MLLT1: variants seen among roughly 807,000 people sequenced by gnomAD.
MLLT1 encodes the protein MLLT1 super elongation complex subunit, also known as protein ENL.
MLLT1 carries 11 observed loss-of-function variants against 55.1 expected under a neutral mutation model. The observed-to-expected ratio is 0.20, with a 90% CI of 0.13 to 0.33. The LOEUF (loss-of-function observed/expected upper bound fraction) is 0.33. MLLT1 is among the 10% of genes least tolerant of loss of function. The pLI, the probability that MLLT1 is intolerant of heterozygous loss-of-function variation, is 1.00. For missense variants in MLLT1, 536 were observed against 760.6 expected (o/e 0.70, Z 3.47); for synonymous variants, 323 against 320.1 (o/e 1.01, Z -0.10).
intron 5 of MLLT1, among the ~76,000 whole-genome samples, chr19:6,224,505 G>A (rs1391873735): frequency 1.3e-5 from 2 of 152,248 alleles, no homozygotes; most frequent in Admixed American, 6.5e-5. Flanking sequence ...TGGGCTGCAG[G>A]AGCTCAGCCG....
chr19:6,267,641 T>C (rs1568297341), intron 2 of MLLT1, among the ~76,000 whole-genome samples: 3 of 152,142 alleles, frequency 2.0e-5, no homozygotes, highest in Non-Finnish European at 4.4e-5. Context: ...GTTCAGGACA[T>C]GGGAAACAGA....
chr19:6,265,165 C>A (rs1488434878), intron 2 of MLLT1, among the ~76,000 whole-genome samples: 2 of 151,700 alleles, frequency 1.3e-5, no homozygotes, highest in African/African-American at 4.9e-5. Context: ...GGGATGAGGA[C>A]CGAATGGCAT....
chr19:6,238,582 C>G (rs1383856488), intron 3 of MLLT1, among the ~76,000 whole-genome samples: 2 of 152,242 alleles, frequency 1.3e-5, no homozygotes, highest in Non-Finnish European at 2.9e-5. Flanking sequence ...AATAGATAAG[C>G]TTGGCTTGGC....
chr19:6,224,752 C>T (rs561388335), intron 5 of MLLT1, among the ~76,000 whole-genome samples: 8 of 152,300 alleles, frequency 5.3e-5, no homozygotes, highest in Admixed American at 1.3e-4. Context: ...TGTTTTGAGA[C>T]GGAGTCTTGT....
rs952949696 is a variant in MLLT1 at position 6,240,608 on chromosome 19, C to T, written c.277-9895G>A. On this transcript the variant is annotated intron_variant, in intron 3 of 11. Coordinates refer to ENST00000252674, the MANE Select transcript of MLLT1 (RefSeq NM_005934.4). The surrounding 1 kb of genome is among the most constrained non-coding windows in gnomAD (Gnocchi z 4.7). ...ACACCGTTGGGAGAAGAAAGCAAAC[C>T]ACGAGACTGAGAGCACCACGGAACC... is the stretch of plus-strand genomic sequence containing the variant. 1.3e-5 allele frequency among the ~76,000 whole-genome samples: 2 copies of T among 152,184 alleles called. No homozygotes were observed. The highest frequency in any genetic ancestry group is 1.3e-4 in the Admixed American group (2 of 15,284).
rs1357103982 is a variant in MLLT1, at chr19:6,262,799, T to C, written c.194-489A>G. 2.0e-5 allele frequency among the ~76,000 whole-genome samples: 3 copies of C among 151,996 alleles called. No homozygotes were observed. Among genetic ancestry groups the C allele is most frequent in the Non-Finnish European group, 4.4e-5 (3 of 68,006 alleles). ...GGGAGACAGGGGAGCCCCAGGTGGC[T>C]GGGACCCTCCTCCTGGGTTCTAGTT... On this transcript the variant is annotated intron_variant, in intron 2 of 11. Coordinates refer to ENST00000252674, the MANE Select transcript of MLLT1 (RefSeq NM_005934.4). This position sits in a 1 kb window ranked among gnomAD's most constrained non-coding sequence, Gnocchi z 4.4.
At chr19:6,279,164 A>AG (rs1022368433) in intron 1 of MLLT1, among the ~76,000 whole-genome samples, 4 of 152,080 alleles carry the variant, frequency 2.6e-5, no homozygotes, top group African/African-American at 9.7e-5. Flanking sequence ...GCAGGGTCCC[A>AG]GGGGGCCGGG....
At chr19:6,213,685 C>T (rs762496297) in intron 10 of MLLT1, 41 bp downstream of exon 10, 1 of 1,279,750 alleles carries the variant, frequency 7.8e-7, no homozygotes, top group Non-Finnish European at 1.1e-6. Flanking sequence ...CACCACCCAC[C>T]CCTCCGTAGC....
rs1352845489 is a variant in MLLT1, at chr19:6,256,595, A to C, written c.276+5633T>G. ...CGGTGAAACCTGGTCTCTACTACAA[A>C]TACAAAAAATTAGCCAGGCGTGGTG... On this transcript the variant is annotated intron_variant, in intron 3 of 11. Transcript: ENST00000252674. The surrounding 1 kb of genome is among the most constrained non-coding windows in gnomAD (Gnocchi z 4.1). Among the ~76,000 whole-genome samples the C allele has an allele frequency of 6.6e-6, 1 of 152,036 alleles. No individual in the cohort carries two copies. Among genetic ancestry groups the C allele is most frequent in the Non-Finnish European group, 1.5e-5 (1 of 68,008 alleles).
chr19:6,213,324 A>G lies in MLLT1; in HGVS notation c.1551+13T>C, dbSNP rs763792480. 9 of 1,611,762 alleles carry G rather than the reference A, an allele frequency of 5.6e-6. No individual in the cohort carries two copies. The African/African-American group carries it at 1.2e-4, about 22-fold the overall frequency. On this transcript the variant is annotated intron_variant, in intron 11 of 11. Transcript: ENST00000252674. Reference sequence around the variant, plus strand: ...CCGACCTCTGCCGGGCAGGACCCTCAGGGGGGCGATACCTGCTGCAGCACG... The same window carrying G: ...CCGACCTCTGCCGGGCAGGACCCTCGGGGGGGCGATACCTGCTGCAGCACG...
intron 3 of MLLT1, among the ~76,000 whole-genome samples, chr19:6,242,368 G>C (rs536830466): frequency 1.3e-5 from 2 of 152,302 alleles, no homozygotes; most frequent in Admixed American, 6.5e-5. Flanking sequence ...AGGCTATGAG[G>C]CCAGTGCGGT....
intron 3 of MLLT1, chr19:6,259,697 G>C (rs2091286466): frequency 6.6e-6 from 1 of 151,460 alleles, no homozygotes; most frequent in Admixed American, 6.6e-5. Flanking sequence ...GAGAGAGAGG[G>C]AGCGCTGCGA....
At chr19:6,216,089 C>G (rs2144846808) in intron 8 of MLLT1, among the ~76,000 whole-genome samples, 1 of 152,282 alleles carries the variant, frequency 6.6e-6, no homozygotes, top group South Asian at 2.1e-4. Context: ...CCACCTCCAG[C>G]CTGGGCTCCC....
At chr19:6,258,763 T>C (rs897387088) in intron 3 of MLLT1, among the ~76,000 whole-genome samples, 2 of 152,224 alleles carry the variant, frequency 1.3e-5, no homozygotes, top group African/African-American at 4.8e-5. Context: ...GCTCCGGTCT[T>C]AGAGCCACAC....
intron 3 of MLLT1, among the ~76,000 whole-genome samples, chr19:6,254,005 G>A (rs1268787000): frequency 6.6e-6 from 1 of 152,138 alleles, no homozygotes; most frequent in Non-Finnish European, 1.5e-5. Context: ...GAAGTGATAC[G>A]AGCATCTTTT....
In MLLT1 at chr19:6,213,986, T is replaced by A. The variant is rs1179174186; in HGVS notation, c.1360A>T (p.Ser454Cys). ...SDNSADSSLP[S>C]REPPPPQKPP... ...TTCTGGGGGGGTGGGGGCTCACGGC[T>A]GGGCAGGGAGGAGTCGGCGCTGTTG... Residue 454 changes from serine (S) to cysteine (C), a missense_variant, in exon 9 of 12, where the codon AGC becomes TGC. Around this residue, in one of 3 missense-constraint regions of MLLT1, gnomAD observed 449 missense variants for 489.0 expected, o/e 0.92. Transcript: ENST00000252674. The A allele has an allele frequency of 6.9e-6, 10 of 1,456,664 alleles. No homozygotes were observed. The highest frequency in any genetic ancestry group is 9.0e-6 in the Non-Finnish European group (10 of 1,105,612). 90.2% of individuals were successfully genotyped at this position (1,456,664 alleles called of 1,614,324 possible).
Position 6,210,687 on chromosome 19 carries a change from G to A in MLLT1, c.*2355C>T, listed in dbSNP as rs577864627. The A allele has an allele frequency of 4.8e-5, 11 of 229,306 alleles. No individual in the cohort carries two copies. Among genetic ancestry groups the A allele is most frequent in the South Asian group, 1.8e-4 (1 of 5,492 alleles). 14.2% of individuals were successfully genotyped at this position (229,306 alleles called of 1,614,324 possible). ...ACAGAGATTTGCACTGGGGGCAGGCGGCTTAACAGGAAACACGTGGCAATC... is the reference window on the plus strand; with the variant it reads ...ACAGAGATTTGCACTGGGGGCAGGCAGCTTAACAGGAAACACGTGGCAATC... On this transcript the variant is annotated 3_prime_UTR_variant, in exon 12 of 12. Transcript: ENST00000252674. This position sits in a 1 kb window ranked among gnomAD's most constrained non-coding sequence, Gnocchi z 4.6.
Position 6,229,373 on chromosome 19 carries a change from C to G in MLLT1, c.420+1197G>C, listed in dbSNP as rs1044629933. On this transcript the variant is annotated intron_variant, in intron 4 of 11. Transcript: ENST00000252674. The surrounding 1 kb of genome is among the most constrained non-coding windows in gnomAD (Gnocchi z 5.2). Reference sequence around the variant, plus strand: ...CTTCTACATGGACAGACGCCTCCTTCTTCTTAGGAGAACGACGGCCACCAA... The same window carrying G: ...CTTCTACATGGACAGACGCCTCCTTGTTCTTAGGAGAACGACGGCCACCAA... Among the ~76,000 whole-genome samples the G allele has an allele frequency of 1.3e-5, 2 of 152,024 alleles. No homozygotes were observed. The highest frequency in any genetic ancestry group is 6.6e-5 in the Admixed American group (1 of 15,266).
chr19:6,229,732 T>C lies in MLLT1; in HGVS notation c.420+838A>G, dbSNP rs1475127949. On this transcript the variant is annotated intron_variant, in intron 4 of 11. Coordinates refer to ENST00000252674, the MANE Select transcript of MLLT1 (RefSeq NM_005934.4). This position sits in a 1 kb window ranked among gnomAD's most constrained non-coding sequence, Gnocchi z 5.2. ...ACACCACACCCCTACATGCCACACA[T>C]GCCACACACTGTACATGCCACACCC... 6.7e-6 allele frequency among the ~76,000 whole-genome samples: 1 copy of C among 150,028 alleles called. No homozygotes were observed. Among genetic ancestry groups the C allele is most frequent in the East Asian group, 2.0e-4 (1 of 5,078 alleles).
Sources: gnomAD v4.1 joint callset for allele counts (sites outside exome capture counted in the v4.1 genomes callset) on GRCh38, gnomAD v4.1.1 for gene constraint, gnomAD v4.1.1 regional missense constraint, Gnocchi (gnomAD v3.1) non-coding constraint, MANE v1.5 for transcripts, NCBI Gene and HGNC (gene_info 2026-07-23, HGNC 2026-07-21) for gene names.